GAB2: variants seen among roughly 807,000 people sequenced by gnomAD.
GAB2 encodes GRB2-associated-binding protein 2.
GAB2 carries 26 observed loss-of-function variants against 65.5 expected under a neutral mutation model. The ratio of observed to expected loss-of-function variants is 0.40; its 90% CI spans 0.29 to 0.55. The LOEUF is 0.55. GAB2 is among the 20% of genes least tolerant of loss of function. The probability of loss-of-function intolerance (pLI) is 0.53; values close to 1 mark genes in which losing one functional copy is unlikely to be tolerated. For synonymous variants in GAB2, 321 were observed against 329.6 expected, an observed-to-expected ratio of 0.97 and a Z score of 0.28; for missense variants, 884 against 875.8, an observed-to-expected ratio of 1.01 and a Z score of -0.12.
At chr11:78,327,616 G>A (rs1471415568) in intron 1 of GAB2, among the ~76,000 whole-genome samples, 1 of 152,124 alleles carries the variant, frequency 6.6e-6, no homozygotes, top group East Asian at 1.9e-4. Context: ...GAAAACATGA[G>A]AATGAAAAGG....
At chr11:78,333,637 C>A (rs1406014282) in intron 1 of GAB2, among the ~76,000 whole-genome samples, 1 of 152,114 alleles carries the variant, frequency 6.6e-6, no homozygotes, top group African/African-American at 2.4e-5. Flanking sequence ...TGTAGGTGGT[C>A]CTGTGTGATT....
intron 1 of GAB2, among the ~76,000 whole-genome samples, chr11:78,395,961 T>C (rs1856890338): frequency 6.6e-6 from 1 of 152,236 alleles, no homozygotes; most frequent in Non-Finnish European, 1.5e-5. Flanking sequence ...CTTTTTTCAA[T>C]CTTGAGTTTT....
At chr11:78,407,658 T>TAAGAAATAAAGA (rs1857065442) in intron 1 of GAB2, among the ~76,000 whole-genome samples, 2 of 117,140 alleles carry the variant, frequency 1.7e-5, no homozygotes, top group Non-Finnish European at 3.5e-5. Flanking sequence ...AGAAAGAAAG[T>TAAGAAATAAAGA]AAGAAAGAAA....
chr11:78,317,546 G>T (rs1305452310), intron 1 of GAB2, among the ~76,000 whole-genome samples: 1 of 119,778 alleles, frequency 8.3e-6, no homozygotes, highest in Non-Finnish European at 1.6e-5. Context: ...GCAACAGTGC[G>T]AGACTCCGTC....
At chr11:78,300,267 C>T (rs1866958116) in intron 1 of GAB2, among the ~76,000 whole-genome samples, 1 of 150,634 alleles carries the variant, frequency 6.6e-6, no homozygotes. Flanking sequence ...TAATTACTGA[C>T]TCATATTGCT....
chr11:78,228,202 T>G (rs1864743227), intron 3 of GAB2, among the ~76,000 whole-genome samples: 1 of 151,998 alleles, frequency 6.6e-6, no homozygotes, highest in Admixed American at 6.6e-5. Context: ...TTCACAAGAG[T>G]GGTTTTCAAA....
At chr11:78,330,013 G>A (rs1332384836) in intron 1 of GAB2, among the ~76,000 whole-genome samples, 1 of 152,110 alleles carries the variant, frequency 6.6e-6, no homozygotes, top group Non-Finnish European at 1.5e-5. Context: ...GTTTCTACTG[G>A]CAAAAAAGGA....
intron 1 of GAB2, among the ~76,000 whole-genome samples, chr11:78,399,471 C>G (rs1171219398): frequency 6.6e-6 from 1 of 152,178 alleles, no homozygotes; most frequent in African/African-American, 2.4e-5. Flanking sequence ...TTTACATCCC[C>G]CAGCACACAC....
intron 2 of GAB2, among the ~76,000 whole-genome samples, chr11:78,256,185 A>G (rs1163574959): frequency 2.0e-5 from 3 of 152,390 alleles, no homozygotes; most frequent in East Asian, 3.9e-4. Context: ...GAATGGATAA[A>G]CAAAATGTGA....
intron 1 of GAB2, among the ~76,000 whole-genome samples, chr11:78,365,990 C>A (rs1856492380): frequency 6.6e-6 from 1 of 152,200 alleles, no homozygotes; most frequent in African/African-American, 2.4e-5. Context: ...TTACAGTTTT[C>A]TCTGGGCTTT....
chr11:78,395,290 C>A (rs1856882786), intron 1 of GAB2, among the ~76,000 whole-genome samples: 1 of 152,214 alleles, frequency 6.6e-6, no homozygotes, highest in Admixed American at 6.5e-5. Context: ...CGTGTCTCTA[C>A]TAAAAGTACA....
chr11:78,308,027 C>T (rs1441204228), intron 1 of GAB2, among the ~76,000 whole-genome samples: 3 of 152,144 alleles, frequency 2.0e-5, no homozygotes, highest in Admixed American at 2.0e-4. Context: ...TTTTCTGAAG[C>T]TGAGACACCC....
At chr11:78,256,019 G>C (rs1865586442) in intron 2 of GAB2, among the ~76,000 whole-genome samples, 2 of 152,144 alleles carry the variant, frequency 1.3e-5, no homozygotes, top group African/African-American at 4.8e-5. Flanking sequence ...TGTAAAAAGG[G>C]ACTATTAATA....
rs1345621673 is a variant in GAB2 at position 78,216,481 on chromosome 11, C to G, written c.*2791G>C. The G allele has an allele frequency of 6.6e-6, 1 of 152,170 alleles. No individual in the cohort carries two copies. Among genetic ancestry groups the G allele is most frequent in the African/African-American group, 2.4e-5 (1 of 41,430 alleles). The allele number at this position is 152,170 out of a possible 1,614,324, so 9.4% of individuals were successfully genotyped here. ...GCTAGATACGGCTGGTAGTTTGGGG[C>G]CTGTGAGCCAGAGCTTTGCTTTCAA... is the stretch of plus-strand genomic sequence containing the variant. On this transcript the variant is annotated 3_prime_UTR_variant, in exon 10 of 10. Coordinates refer to ENST00000361507, the MANE Select transcript of GAB2 (RefSeq NM_080491.3).
intron 2 of GAB2, among the ~76,000 whole-genome samples, chr11:78,255,526 A>AC (rs1865572237): frequency 6.6e-6 from 1 of 152,170 alleles, no homozygotes; most frequent in African/African-American, 2.4e-5. Flanking sequence ...ATGGCCGAGT[A>AC]CCCCTGCTAC....
chr11:78,226,456 TA>T lies in GAB2; in HGVS notation c.1207+8del. On this transcript the variant is annotated splice_region_variant and intron_variant, in intron 4 of 9. Coordinates refer to ENST00000361507, the MANE Select transcript of GAB2 (RefSeq NM_080491.3). The stretch of plus-strand genomic sequence containing the variant: ...CTCCCTCTGAGTCTCAGCTAGGACT[TA>T]TACTGACCTCGGTGAAGTCGGCTGT... The T allele has an allele frequency of 6.2e-7, 1 of 1,604,678 alleles. No individual in the cohort carries two copies. Among genetic ancestry groups the T allele is most frequent in the Non-Finnish European group, 8.5e-7 (1 of 1,171,378 alleles).
At chr11:78,238,606 T>C (rs1220883138) in intron 3 of GAB2, among the ~76,000 whole-genome samples, 2 of 149,750 alleles carry the variant, frequency 1.3e-5, no homozygotes, top group Non-Finnish European at 1.5e-5. Context: ...TCTTGGACCT[T>C]TACCTTAAAA....
chr11:78,296,941 A>G (rs1866846900), intron 1 of GAB2, among the ~76,000 whole-genome samples: 1 of 152,206 alleles, frequency 6.6e-6, no homozygotes, highest in African/African-American at 2.4e-5. Flanking sequence ...TGCTTTTGTA[A>G]GGGCAAAAAT....
intron 3 of GAB2, among the ~76,000 whole-genome samples, chr11:78,244,849 A>G (rs916086088): frequency 3.9e-5 from 6 of 152,216 alleles, no homozygotes; most frequent in African/African-American, 1.4e-4. Flanking sequence ...AATGTAAATT[A>G]GTACAGTCGT....
Sources: allele counts gnomAD v4.1 joint callset (sites outside exome capture counted in the v4.1 genomes callset), GRCh38; gene constraint gnomAD v4.1.1; transcripts MANE v1.5; gene names NCBI Gene and HGNC (gene_info 2026-07-23, HGNC 2026-07-21).